The following DACH1 variants were observed in gnomAD, a reference collection of about 807,000 sequenced individuals.
The protein encoded by DACH1 is dachshund family transcription factor 1, also known as dachshund homolog 1.
Under a neutral mutation model 54.2 loss-of-function variants are expected in DACH1, and 12 were observed. The observed-to-expected ratio is 0.22, with a 90% CI of 0.14 to 0.36. The LOEUF (loss-of-function observed/expected upper bound fraction) is 0.36, where lower values mean the gene tolerates loss of function less well. Among genes scored for constraint, DACH1 ranks in the 10% least tolerant of loss-of-function variants. The pLI, the probability that DACH1 is intolerant of heterozygous loss-of-function variation, is 1.00. For synonymous variants in DACH1, 386 were observed against 366.2 expected, an observed-to-expected ratio of 1.05 and a Z score of -0.62; for missense variants, 805 against 929.8, an observed-to-expected ratio of 0.87 and a Z score of 1.75.
At position 71,537,267 on chromosome 13, in the gene DACH1, G is replaced by C. The variant is rs147420595; in HGVS notation, c.1570+19757C>G. 8.8e-4 allele frequency among the ~76,000 whole-genome samples: 134 copies of C among 152,164 alleles called. 1 individual carries two copies. The East Asian group carries it at 0.019, about 22-fold the overall frequency. On this transcript the variant is annotated intron_variant, in intron 6 of 10. Coordinates refer to ENST00000613252, the MANE Select transcript of DACH1 (RefSeq NM_080759.6). ...ATGACTGCCTTTGCGTTATCATTCAGCCGCAGTTCAAATGTTGCCCAGAGA... is the reference window on the plus strand; with the variant it reads ...ATGACTGCCTTTGCGTTATCATTCACCCGCAGTTCAAATGTTGCCCAGAGA...
intron 1 of DACH1, among the ~76,000 whole-genome samples, chr13:71,783,763 G>A (rs1280754551): frequency 6.6e-6 from 1 of 151,728 alleles, no homozygotes; most frequent in Admixed American, 6.6e-5. Context: ...CACAGAGAAA[G>A]TGTCACTGGA....
At chr13:71,613,630 T>C (rs1439260910) in intron 3 of DACH1, among the ~76,000 whole-genome samples, 2 of 152,190 alleles carry the variant, frequency 1.3e-5, no homozygotes, top group Admixed American at 6.5e-5. Flanking sequence ...ATCCTAGATA[T>C]GGTTTGGAGG....
At chr13:71,670,023 CA>C (rs75817985) in intron 2 of DACH1, among the ~76,000 whole-genome samples, 1,312 of 113,378 alleles carry the variant, frequency 0.012, 9 homozygotes, top group African/African-American at 0.026. Context: ...CTAAATTAGC[CA>C]AAAAAAAAAA....
chr13:71,522,450 T>C (rs1566314455), intron 6 of DACH1, among the ~76,000 whole-genome samples: 1 of 151,976 alleles, frequency 6.6e-6, no homozygotes, highest in Non-Finnish European at 1.5e-5. Flanking sequence ...AGAACACTAC[T>C]TTCGCCCCAA....
At chr13:71,693,015 T>C (rs1239431167) in intron 1 of DACH1, among the ~76,000 whole-genome samples, 1 of 152,064 alleles carries the variant, frequency 6.6e-6, no homozygotes, top group East Asian at 1.9e-4. Flanking sequence ...CTCAACTGGG[T>C]TTTATCTCAT....
intron 6 of DACH1, among the ~76,000 whole-genome samples, chr13:71,541,926 T>G (rs917092839): frequency 1.7e-5 from 1 of 58,956 alleles, no homozygotes; most frequent in African/African-American, 9.7e-5. Context: ...ATTTGCCCAG[T>G]TTTTTTTTTT....
In DACH1 at chr13:71,802,647, A is replaced by G. The variant is rs1484805804; in HGVS notation, c.848+63275T>C. ...GAATATAAACAATTTTAGTAAGAGG[A>G]TATGTTTAAATCAAAACAAAGAAGG... is the stretch of plus-strand genomic sequence containing the variant. On this transcript the variant is annotated intron_variant, in intron 1 of 10. Transcript: ENST00000613252. Among the ~76,000 whole-genome samples, 7 of 152,080 alleles carry G rather than the reference A, an allele frequency of 4.6e-5. No homozygotes were observed. In the South Asian group the frequency reaches 1.2e-3, roughly 27 times the overall value.
Position 71,735,226 on chromosome 13 carries a change from TGTATATGGGATACAC to T in DACH1, c.849-53331_849-53317del, listed in dbSNP as rs1412933703. Among the ~76,000 whole-genome samples the T allele has an allele frequency of 9.9e-5, 13 of 130,688 alleles. 2 individuals are homozygous for T. The highest frequency in any genetic ancestry group is 2.6e-4 in the African/African-American group (10 of 38,962). The allele number at this position is 130,688 out of a possible 152,430, so 85.7% of individuals were successfully genotyped here. ...GATACACGTATATGGGATATACATA[TGTATATGGGATACAC>T]GTATATGGGATATACGTGTATATGG... On this transcript the variant is annotated intron_variant, in intron 1 of 10. Coordinates refer to ENST00000613252, the MANE Select transcript of DACH1 (RefSeq NM_080759.6).
intron 6 of DACH1, among the ~76,000 whole-genome samples, chr13:71,506,991 C>T (rs1175073235): frequency 6.6e-6 from 1 of 151,264 alleles, no homozygotes; most frequent in Non-Finnish European, 1.5e-5. Context: ...AGGACATAGG[C>T]ATGGGCAAGG....
intron 6 of DACH1, among the ~76,000 whole-genome samples, chr13:71,528,496 C>T (rs1221284361): frequency 1.6e-5 from 2 of 122,698 alleles, no homozygotes; most frequent in African/African-American, 6.2e-5. Flanking sequence ...GGCGTGATTT[C>T]GGCTCACTTC....
intron 1 of DACH1, among the ~76,000 whole-genome samples, chr13:71,772,559 A>G (rs1355203298): frequency 2.0e-5 from 3 of 151,764 alleles, no homozygotes; most frequent in African/African-American, 4.8e-5. Flanking sequence ...AGCGTTTCAC[A>G]CTGCTATTTT....
intron 3 of DACH1, among the ~76,000 whole-genome samples, chr13:71,608,985 T>C (rs989225378): frequency 2.6e-5 from 4 of 152,102 alleles, no homozygotes; most frequent in Non-Finnish European, 4.4e-5. Flanking sequence ...GGACAAAAGA[T>C]ACATGAATTG....
At chr13:71,766,710 G>A (rs1236429101) in intron 1 of DACH1, among the ~76,000 whole-genome samples, 1 of 152,042 alleles carries the variant, frequency 6.6e-6, no homozygotes, top group African/African-American at 2.4e-5. Context: ...TGTAAGCACT[G>A]AAAATTAATA....
At chr13:71,599,383 T>C (rs1398150209) in intron 3 of DACH1, among the ~76,000 whole-genome samples, 2 of 152,132 alleles carry the variant, frequency 1.3e-5, no homozygotes, top group East Asian at 3.9e-4. Context: ...ACCTGAACAA[T>C]GGAAATGCTG....
intron 1 of DACH1, among the ~76,000 whole-genome samples, chr13:71,736,693 A>G (rs550966053): frequency 6.6e-6 from 1 of 152,328 alleles, no homozygotes. Flanking sequence ...ACCCAGAAGT[A>G]TAAAAACAAT....
intron 2 of DACH1, among the ~76,000 whole-genome samples, chr13:71,662,413 T>C (rs528918662): frequency 3.3e-5 from 5 of 152,032 alleles, no homozygotes; most frequent in Non-Finnish European, 1.5e-5. Context: ...GGAAACAGGC[T>C]TGGCAGTTAT....
intron 4 of DACH1, among the ~76,000 whole-genome samples, chr13:71,561,263 A>C (rs935481568): frequency 6.6e-6 from 1 of 152,168 alleles, no homozygotes; most frequent in African/African-American, 2.4e-5. Flanking sequence ...ATTATGGCTT[A>C]ATTGTGTTCC....
At chr13:71,552,961 C>T (rs1883981735) in intron 6 of DACH1, among the ~76,000 whole-genome samples, 1 of 147,090 alleles carries the variant, frequency 6.8e-6, no homozygotes, top group Admixed American at 6.8e-5. Context: ...GCAGGTGGAT[C>T]ACCTGAGATC....
chr13:71,645,923 G>A (rs762992012), intron 2 of DACH1, among the ~76,000 whole-genome samples: 1 of 152,136 alleles, frequency 6.6e-6, no homozygotes, highest in Non-Finnish European at 1.5e-5. Flanking sequence ...TGAAACTTGA[G>A]AAATTTCAAG....
Sources: allele counts gnomAD v4.1 joint callset (sites outside exome capture counted in the v4.1 genomes callset), GRCh38; gene constraint gnomAD v4.1.1; transcripts MANE v1.5; gene names NCBI Gene and HGNC (gene_info 2026-07-23, HGNC 2026-07-21).